CDH18: variants seen among roughly 807,000 people sequenced by gnomAD.
CDH18 encodes cadherin 18.
CDH18 carries 31 observed loss-of-function variants against 67.9 expected under a neutral mutation model. That is an observed-to-expected ratio of 0.46 (90% confidence interval 0.34 to 0.62). The LOEUF is 0.62. Among genes scored for constraint, CDH18 ranks in the 20% least tolerant of loss-of-function variants. The pLI is 0.01. For synonymous variants in CDH18, 362 were observed against 347.2 expected, an observed-to-expected ratio of 1.04 and a Z score of -0.48; for missense variants, 890 against 975.5, an observed-to-expected ratio of 0.91 and a Z score of 1.17.
rs1401818164 is a variant in CDH18 at position 20,291,957 on chromosome 5, C to T, written c.-579-36452G>A. Among the ~76,000 whole-genome samples the T allele has an allele frequency of 5.3e-5, 8 of 152,202 alleles. No homozygotes were observed. In the South Asian group the frequency reaches 1.7e-3, roughly 32 times the overall value. On this transcript the variant is annotated intron_variant, in intron 1 of 14. Transcript: ENST00000507958. ...CACCTCAGAGTTTTGACCTCTTTCC[C>T]GTAATTTCCTTCCTAGCCTCTCCTC...
At chr5:20,452,990 A>G (rs996100352) in intron 1 of CDH18, among the ~76,000 whole-genome samples, 4 of 152,192 alleles carry the variant, frequency 2.6e-5, no homozygotes, top group African/African-American at 9.6e-5. Context: ...CCAAGTCATT[A>G]TAATACACAG....
intron 2 of CDH18, among the ~76,000 whole-genome samples, chr5:19,979,999 TA>T (rs908949372): frequency 6.6e-6 from 1 of 152,126 alleles, no homozygotes; most frequent in African/African-American, 2.4e-5. Flanking sequence ...TCGAAATTGG[TA>T]AAGAAGAAGT....
intron 1 of CDH18, among the ~76,000 whole-genome samples, chr5:20,328,451 A>G: frequency 6.7e-6 from 1 of 148,298 alleles, no homozygotes; most frequent in East Asian, 2.0e-4. Context: ...GTTGTGCTTT[A>G]TTGAGGTGTT....
intron 5 of CDH18, among the ~76,000 whole-genome samples, chr5:19,613,843 T>C (rs1420536130): frequency 6.6e-6 from 1 of 152,150 alleles, no homozygotes; most frequent in African/African-American, 2.4e-5. Context: ...TCTATGTGTA[T>C]ATATGTATTT....
intron 12 of CDH18, among the ~76,000 whole-genome samples, chr5:19,478,205 T>C (rs1738813651): frequency 6.6e-6 from 1 of 152,142 alleles, no homozygotes; most frequent in African/African-American, 2.4e-5. Context: ...ATATAAACTA[T>C]CATACAACTT....
At chr5:19,945,429 A>G (rs1022421215) in intron 2 of CDH18, among the ~76,000 whole-genome samples, 4 of 152,202 alleles carry the variant, frequency 2.6e-5, no homozygotes, top group African/African-American at 9.6e-5. Flanking sequence ...AATAAGATCA[A>G]AAGTCTGCTA....
chr5:19,783,935 A>G (rs1775409246), intron 3 of CDH18, among the ~76,000 whole-genome samples: 1 of 152,264 alleles, frequency 6.6e-6, no homozygotes, highest in East Asian at 1.9e-4. Flanking sequence ...CCTACTCTGT[A>G]CCTGATACAT....
chr5:20,009,187 A>C lies in CDH18; in HGVS notation c.-517-17173T>G, dbSNP rs372558509. ...ACTTCAGTATACCTCCCCCCAAGGA[A>C]AGCCGATGGGAGAAAATGATTCTAT... On this transcript the variant is annotated intron_variant, in intron 2 of 14. Transcript: ENST00000507958. Among the ~76,000 whole-genome samples, 93 of 152,170 alleles carry C rather than the reference A, an allele frequency of 6.1e-4. No individual in the cohort carries two copies. In the South Asian group the frequency reaches 0.017, roughly 27 times the overall value.
chr5:20,240,987 A>G (rs1200386774), intron 2 of CDH18, among the ~76,000 whole-genome samples: 1 of 152,202 alleles, frequency 6.6e-6, no homozygotes, highest in Non-Finnish European at 1.5e-5. Flanking sequence ...GAAAATGGCA[A>G]TTATTATATT....
intron 2 of CDH18, among the ~76,000 whole-genome samples, chr5:19,993,971 G>A (rs1800128342): frequency 6.6e-6 from 1 of 152,062 alleles, no homozygotes; most frequent in Non-Finnish European, 1.5e-5. Flanking sequence ...ATGGCATATT[G>A]GCAGACTATT....
chr5:19,763,964 C>T (rs1264259948), intron 3 of CDH18, among the ~76,000 whole-genome samples: 5 of 118,478 alleles, frequency 4.2e-5, no homozygotes, highest in African/African-American at 1.3e-4. Context: ...GCCTGACCAA[C>T]ATGATGAAAC....
chr5:19,538,457 A>G (rs1749746939), intron 9 of CDH18, among the ~76,000 whole-genome samples: 1 of 152,196 alleles, frequency 6.6e-6, no homozygotes, highest in Non-Finnish European at 1.5e-5. Context: ...ATGAGAATAC[A>G]ACACTTTCTA....
intron 2 of CDH18, among the ~76,000 whole-genome samples, chr5:20,099,175 A>G (rs1746246286): frequency 6.6e-6 from 1 of 152,212 alleles, no homozygotes; most frequent in African/African-American, 2.4e-5. Context: ...CACTGTGTGA[A>G]TAAACATAAT....
intron 2 of CDH18, among the ~76,000 whole-genome samples, chr5:19,955,374 A>G (rs1796163263): frequency 6.6e-6 from 1 of 152,150 alleles, no homozygotes; most frequent in Non-Finnish European, 1.5e-5. Context: ...GCAGAAGTAC[A>G]ACAATAAAAG....
Position 19,543,895 on chromosome 5 carries a change from T to C in CDH18, c.1364A>G (p.Asn455Ser), listed in dbSNP as rs1258113695. The C allele has an allele frequency of 1.3e-6, 2 of 1,589,524 alleles. No homozygotes were observed. Among genetic ancestry groups the C allele is most frequent in the Admixed American group, 1.7e-5 (1 of 59,426 alleles). ...VLDREETPWY[N>S]ITVTASEIDN... ...AATTTCTGAAGCAGTGACTGTGATG[T>C]TGTACCATGGAGTTTCTTCTCTGTC... The change falls in exon 9 of 13, where the codon AAC (asparagine) becomes AGC (serine). Residue 455 changes from asparagine to serine, a missense_variant. Physicochemically the swap from Asn to Ser is conservative, Grantham distance 46. Transcript: ENST00000382275.
At position 20,258,924 on chromosome 5, in the gene CDH18, G is replaced by A. The variant is rs1223746318; in HGVS notation, c.-579-3419C>T. On this transcript the variant is annotated intron_variant, in intron 1 of 14. Coordinates refer to the CDH18 transcript ENST00000507958. ...AACCCTAGTTAAAACCTTGATTTTT[G>A]CTAGTGAAGCCCCTGAGCAGAGAAC... Among the ~76,000 whole-genome samples the A allele has an allele frequency of 3.3e-5, 5 of 152,210 alleles. No individual in the cohort carries two copies. In the East Asian group the frequency reaches 9.7e-4, roughly 29 times the overall value.
chr5:19,970,362 T>C (rs1020088240), intron 2 of CDH18, among the ~76,000 whole-genome samples: 2 of 151,726 alleles, frequency 1.3e-5, no homozygotes, highest in Non-Finnish European at 2.9e-5. Flanking sequence ...ATAAATGTCA[T>C]GCATTTCCAT....
chr5:20,563,098 T>C (rs1354036216), intron 1 of CDH18, among the ~76,000 whole-genome samples: 1 of 151,764 alleles, frequency 6.6e-6, no homozygotes, highest in Non-Finnish European at 1.5e-5. Context: ...TCACACAGAG[T>C]TAATCATTAC....
chr5:19,810,166 C>T (rs921388560), intron 3 of CDH18, among the ~76,000 whole-genome samples: 4 of 151,806 alleles, frequency 2.6e-5, no homozygotes, highest in African/African-American at 7.3e-5. Flanking sequence ...CCCATCTCTA[C>T]TAAAAATACA....
Sources: allele counts gnomAD v4.1 joint callset (sites outside exome capture counted in the v4.1 genomes callset), GRCh38; gene constraint gnomAD v4.1.1; transcripts MANE v1.5; gene names NCBI Gene and HGNC (gene_info 2026-07-23, HGNC 2026-07-21).